TIAM2: variants seen among roughly 807,000 people sequenced by gnomAD.
The protein encoded by TIAM2 is rho guanine nucleotide exchange factor TIAM2.
Under a neutral mutation model 152.9 loss-of-function variants are expected in TIAM2, and 80 were observed. The observed-to-expected ratio is 0.52, with a 90% CI of 0.44 to 0.63. TIAM2 has a LOEUF of 0.63. Ranked by LOEUF, TIAM2 falls within the 30% of genes least tolerant of loss-of-function variation. TIAM2 has a pLI of 0.00. For missense variants in TIAM2, 1,965 were observed against 2,120.1 expected, an observed-to-expected ratio of 0.93 and a Z score of 1.44; for synonymous variants, 804 against 838.0, an observed-to-expected ratio of 0.96 and a Z score of 0.70.
chr6:155,133,104 C>T (rs7764201), intron 4 of TIAM2, among the ~76,000 whole-genome samples: 1,713 of 152,306 alleles, frequency 0.011, 29 homozygotes, highest in African/African-American at 0.039. Flanking sequence ...CCTGTCATCC[C>T]AGCACTTTGG....
rs371930754 is a variant in TIAM2 at position 155,232,437 on chromosome 6, A to C, written c.3169-8093A>C. On this transcript the variant is annotated intron_variant, in intron 15 of 26. Transcript: ENST00000682666. ...GTAAGTGCTCAGTGTATGAGAACGCAAACCATATAAACCACACCCTTTCTG... is the reference window on the plus strand; with the variant it reads ...GTAAGTGCTCAGTGTATGAGAACGCCAACCATATAAACCACACCCTTTCTG... The C allele has an allele frequency of 7.2e-5, 11 of 152,332 alleles. No homozygotes were observed. In the East Asian group the frequency reaches 1.2e-3, roughly 16 times the overall value. 9.4% of individuals were successfully genotyped at this position (152,332 alleles called of 1,614,324 possible). A position where few individuals can be genotyped will look rare whatever the true frequency, so the allele number is the denominator to read the frequency against.
At chr6:155,167,767 G>T (rs1485753) in intron 9 of TIAM2, among the ~76,000 whole-genome samples, 16,311 of 152,150 alleles carry the variant, frequency 0.11, 1,227 homozygotes, top group African/African-American at 0.22. Context: ...AAAGTCCTGG[G>T]ATTACAGGTC....
intron 1 of TIAM2, among the ~76,000 whole-genome samples, chr6:155,048,827 A>C (rs1369027859): frequency 6.6e-6 from 1 of 151,440 alleles, no homozygotes; most frequent in African/African-American, 2.4e-5. Flanking sequence ...TTGAGATGGA[A>C]TCTCACTCTG....
chr6:155,083,367 A>G (rs12192285), intron 1 of TIAM2, among the ~76,000 whole-genome samples: 73 of 119,270 alleles, frequency 6.1e-4, no homozygotes, highest in South Asian at 2.1e-3. Context: ...AAAAAAAAAA[A>G]AGAGAGAGAG....
chr6:155,058,346 G>T (rs1332395417), intron 1 of TIAM2, among the ~76,000 whole-genome samples: 1 of 152,176 alleles, frequency 6.6e-6, no homozygotes, highest in African/African-American at 2.4e-5. Context: ...TTAGTATATG[G>T]TTAGTTCCCC....
intron 4 of TIAM2, among the ~76,000 whole-genome samples, chr6:155,133,907 G>A (rs1779499732): frequency 1.3e-5 from 2 of 152,080 alleles, no homozygotes; most frequent in African/African-American, 4.8e-5. Flanking sequence ...AGTAGAGACG[G>A]GGTTTCTCCA....
chr6:155,212,230 C>T (rs989995538), intron 15 of TIAM2, among the ~76,000 whole-genome samples: 1 of 152,188 alleles, frequency 6.6e-6, no homozygotes, highest in Admixed American at 6.5e-5. Flanking sequence ...ATTGCCAGGT[C>T]ATGTGGTGAT....
chr6:155,203,137 G>C (rs1377139780), intron 14 of TIAM2, among the ~76,000 whole-genome samples: 1 of 151,104 alleles, frequency 6.6e-6, no homozygotes, highest in African/African-American at 2.4e-5. Flanking sequence ...AGAACTGGCT[G>C]TGAGCATTAA....
chr6:155,124,053 T>A (rs1409999384), intron 2 of TIAM2, among the ~76,000 whole-genome samples: 2 of 152,218 alleles, frequency 1.3e-5, no homozygotes, highest in Non-Finnish European at 2.9e-5. Flanking sequence ...TCTTGCTGCG[T>A]CTGTCACCCA....
At chr6:155,107,926 A>G (rs1778738953) in intron 2 of TIAM2, among the ~76,000 whole-genome samples, 1 of 152,194 alleles carries the variant, frequency 6.6e-6, no homozygotes, top group African/African-American at 2.4e-5. Context: ...TTGGCTTTAC[A>G]TTAATTTGGC....
intron 2 of TIAM2, among the ~76,000 whole-genome samples, chr6:155,098,454 G>A (rs1778469281): frequency 6.6e-6 from 1 of 152,076 alleles, no homozygotes; most frequent in Admixed American, 6.6e-5. Flanking sequence ...AAATGGGATT[G>A]CCTACTTGAT....
Position 155,174,215 on chromosome 6 carries a change from G to T in TIAM2, c.2362-2601G>T, listed in dbSNP as rs1374616120. On this transcript the variant is annotated intron_variant, in intron 9 of 26. Transcript: ENST00000682666. This position sits in a 1 kb window ranked among gnomAD's most constrained non-coding sequence, Gnocchi z 4.2. ...CCCCGGAGTACCATAGGCACTAGTTGTGTAAACTTGGGCAAGTTTCTAGAA... is the reference window on the plus strand; with the variant it reads ...CCCCGGAGTACCATAGGCACTAGTTTTGTAAACTTGGGCAAGTTTCTAGAA... Among the ~76,000 whole-genome samples, 2 of 152,196 alleles carry T rather than the reference G, an allele frequency of 1.3e-5. No homozygotes were observed. The highest frequency in any genetic ancestry group is 3.9e-4 in the East Asian group (2 of 5,194).
intron 9 of TIAM2, among the ~76,000 whole-genome samples, chr6:155,172,705 T>C (rs1490319059): frequency 9.1e-6 from 1 of 109,746 alleles, no homozygotes; most frequent in Non-Finnish European, 1.8e-5. Flanking sequence ...TTTTTTTTTT[T>C]TTTTTTTCTT....
At chr6:155,006,682 CAAAAAAAAAAAAA>C in intron 1 of TIAM2, among the ~76,000 whole-genome samples, 1 of 87,212 alleles carries the variant, frequency 1.1e-5, no homozygotes, top group East Asian at 3.3e-4. Flanking sequence ...CTCCCCCCAC[CAAAAAAAAAAAAA>C]AAGAAAAAAA....
At chr6:155,014,561 C>T (rs1236714605) in intron 1 of TIAM2, among the ~76,000 whole-genome samples, 1 of 151,958 alleles carries the variant, frequency 6.6e-6, no homozygotes, top group East Asian at 1.9e-4. Flanking sequence ...TGATTCTTTG[C>T]TGTTTGTATC....
intron 7 of TIAM2, among the ~76,000 whole-genome samples, chr6:155,159,109 CCTT>C (rs149365183): frequency 0.01 from 1,550 of 152,182 alleles, 25 homozygotes; most frequent in African/African-American, 0.035. Context: ...TTTTATGTCA[CCTT>C]CTGAAGAATT....
Position 155,257,237 on chromosome 6 carries a change from T to C in TIAM2, c.*116T>C, listed in dbSNP as rs894590452. On this transcript the variant is annotated 3_prime_UTR_variant, in exon 27 of 27. Coordinates refer to ENST00000682666, the MANE Select transcript of TIAM2 (RefSeq NM_012454.4). ...CTGTTCATTCCTGGGTTTTGTGCAGTATACATTTTCCCACAAAATGGTTGT... is the reference window on the plus strand; with the variant it reads ...CTGTTCATTCCTGGGTTTTGTGCAGCATACATTTTCCCACAAAATGGTTGT... 2 of 1,161,366 alleles carry C rather than the reference T, an allele frequency of 1.7e-6. No individual in the cohort carries two copies. Among genetic ancestry groups the C allele is most frequent in the African/African-American group, 1.6e-5 (1 of 63,618 alleles). The allele number at this position is 1,161,366 out of a possible 1,614,324, so 71.9% of individuals were successfully genotyped here.
intron 1 of TIAM2, among the ~76,000 whole-genome samples, chr6:155,011,930 G>C (rs1360531669): frequency 6.6e-6 from 1 of 152,184 alleles, no homozygotes; most frequent in Non-Finnish European, 1.5e-5. Context: ...ATGTTAACGA[G>C]AGGCTCAGCT....
chr6:155,040,465 C>T (rs1777005592), intron 1 of TIAM2, among the ~76,000 whole-genome samples: 1 of 152,120 alleles, frequency 6.6e-6, no homozygotes, highest in African/African-American at 2.4e-5. Context: ...AGAGTGGAAT[C>T]CTGGTTTTGG....
Sources: gnomAD v4.1 joint callset for allele counts (sites outside exome capture counted in the v4.1 genomes callset) on GRCh38, gnomAD v4.1.1 for gene constraint, Gnocchi (gnomAD v3.1) non-coding constraint, MANE v1.5 for transcripts, NCBI Gene and HGNC (gene_info 2026-07-23, HGNC 2026-07-21) for gene names.